The following CDH6 variants were observed in gnomAD, a reference collection of about 807,000 sequenced individuals.
The protein encoded by CDH6 is cadherin-6.
A neutral mutation model predicts 78.0 loss-of-function variants in CDH6; 31 were observed. The ratio of observed to expected loss-of-function variants is 0.40; its 90% CI spans 0.30 to 0.54. CDH6 has a LOEUF of 0.54. Ranked by LOEUF, CDH6 falls within the 20% of genes least tolerant of loss-of-function variation. The pLI, the probability that CDH6 is intolerant of heterozygous loss-of-function variation, is 0.56. For missense variants in CDH6, 724 were observed against 975.9 expected (o/e 0.74, Z 3.44); for synonymous variants, 376 against 368.8 (o/e 1.02, Z -0.23).
chr5:31,284,764 G>A (rs1579882228), intron 2 of CDH6, among the ~76,000 whole-genome samples: 2 of 152,356 alleles, frequency 1.3e-5, no homozygotes, highest in Admixed American at 6.5e-5. Context: ...TGCCACTGAG[G>A]AAAGTAATAC....
At chr5:31,308,476 T>C (rs1305672765) in intron 7 of CDH6, among the ~76,000 whole-genome samples, 7 of 149,040 alleles carry the variant, frequency 4.7e-5, no homozygotes, top group African/African-American at 1.7e-4. Context: ...TCTGCTATGA[T>C]CATGATGGGA....
At chr5:31,318,004 CT>C in intron 11 of CDH6, 80 bp downstream of exon 11, 1 of 1,528,666 alleles carries the variant, frequency 6.5e-7, no homozygotes, top group Non-Finnish European at 9.0e-7. Flanking sequence ...ATTTATCTGC[CT>C]CCCCCATTAA....
intron 9 of CDH6, 57 bp downstream of exon 9, chr5:31,316,386 TATC>T (rs1738324750): frequency 6.8e-7 from 1 of 1,461,236 alleles, no homozygotes; most frequent in Admixed American, 1.9e-5. Context: ...TAGATCTTCT[TATC>T]ATTCAGATGA....
chr5:31,233,858 T>C (rs1467234606), intron 1 of CDH6, among the ~76,000 whole-genome samples: 1 of 152,214 alleles, frequency 6.6e-6, no homozygotes, highest in Non-Finnish European at 1.5e-5. Flanking sequence ...CACCAATGAT[T>C]CAAAAATATA....
Position 31,216,299 on chromosome 5 carries a change from C to T in CDH6, c.-129+22413C>T, listed in dbSNP as rs527974030. Among the ~76,000 whole-genome samples, 3 of 152,202 alleles carry T rather than the reference C, an allele frequency of 2.0e-5. No homozygotes were observed. The South Asian group carries it at 6.2e-4, about 32-fold the overall frequency. On this transcript the variant is annotated intron_variant, in intron 1 of 11. Transcript: ENST00000265071. ...AATGTTGTTGCTCCAATACAGGGGA[C>T]AGCAATCTATGGCTCTCAGGCCAAA...
rs1738539545 is a variant in CDH6 at position 31,323,631 on chromosome 5, C to A, written c.*323C>A. The A allele has an allele frequency of 6.0e-6, 2 of 332,828 alleles. No individual in the cohort carries two copies. Among genetic ancestry groups the A allele is most frequent in the Non-Finnish European group, 1.1e-5 (2 of 179,180 alleles). 20.6% of individuals were successfully genotyped at this position (332,828 alleles called of 1,614,324 possible). On this transcript the variant is annotated 3_prime_UTR_variant, in exon 12 of 12. Coordinates refer to ENST00000265071, the MANE Select transcript of CDH6 (RefSeq NM_004932.4). ...CGCTGTCCTGGTGTTTTACTACACTCCATGTCAGGTCAGCCAACTGCCCTA... is the reference window on the plus strand; with the variant it reads ...CGCTGTCCTGGTGTTTTACTACACTACATGTCAGGTCAGCCAACTGCCCTA...
At chr5:31,227,815 A>G (rs6899121) in intron 1 of CDH6, among the ~76,000 whole-genome samples, 16,473 of 152,170 alleles carry the variant, frequency 0.11, 1,084 homozygotes, top group South Asian at 0.25. Flanking sequence ...TACCTTAACC[A>G]TCCTACATCT....
intron 1 of CDH6, among the ~76,000 whole-genome samples, chr5:31,267,043 A>T (rs751474017): frequency 2.0e-5 from 3 of 152,226 alleles, no homozygotes; most frequent in Non-Finnish European, 4.4e-5. Flanking sequence ...CTCAGCCCAC[A>T]TATTCCAAGG....
Position 31,328,934 on chromosome 5 carries a change from CAGTGTGGCCG to C in CDH6, c.*5627_*5636del. 1 of 221,648 alleles carries C rather than the reference CAGTGTGGCCG, an allele frequency of 4.5e-6. No individual in the cohort carries two copies. The highest frequency in any genetic ancestry group is 9.0e-6 in the Non-Finnish European group (1 of 110,804). 13.7% of individuals were successfully genotyped at this position (221,648 alleles called of 1,614,324 possible). On this transcript the variant is annotated 3_prime_UTR_variant, in exon 12 of 12. Transcript: ENST00000265071. ...GGGTCGAGAGTATTACCTTTTAGCT[CAGTGTGGCCG>C]GGCCTTTTGTTGCAGTCAAATGGCA...
At chr5:31,245,154 T>C (rs1052075626) in intron 1 of CDH6, among the ~76,000 whole-genome samples, 1 of 151,982 alleles carries the variant, frequency 6.6e-6, no homozygotes, top group Non-Finnish European at 1.5e-5. Context: ...CCAAGCTGAG[T>C]TTGGAGGTTT....
intron 1 of CDH6, among the ~76,000 whole-genome samples, chr5:31,199,715 A>C (rs1561193692): frequency 8.2e-6 from 1 of 121,984 alleles, no homozygotes; most frequent in African/African-American, 3.2e-5. Flanking sequence ...ATATATATAT[A>C]TCTCAAAGAT....
At chr5:31,245,839 AT>A (rs1409467376) in intron 1 of CDH6, among the ~76,000 whole-genome samples, 4 of 149,412 alleles carry the variant, frequency 2.7e-5, no homozygotes, top group Admixed American at 6.7e-5. Flanking sequence ...ATACGCCATA[AT>A]TTCTAGAGCA....
chr5:31,257,104 T>C (rs1318948931), intron 1 of CDH6, among the ~76,000 whole-genome samples: 1 of 152,236 alleles, frequency 6.6e-6, no homozygotes, highest in Non-Finnish European at 1.5e-5. Context: ...TTTATGAATA[T>C]CAGTGTGCTG....
chr5:31,227,525 C>A (rs1406471769), intron 1 of CDH6, among the ~76,000 whole-genome samples: 3 of 152,090 alleles, frequency 2.0e-5, no homozygotes, highest in Admixed American at 6.5e-5. Flanking sequence ...TTTTTCCCAG[C>A]GTTCTAGAAT....
At chr5:31,209,155 T>G (rs574128476) in intron 1 of CDH6, among the ~76,000 whole-genome samples, 16 of 152,318 alleles carry the variant, frequency 1.1e-4, no homozygotes, top group African/African-American at 3.8e-4. Context: ...TAGGTTTTTA[T>G]GTTTGTTTGT....
intron 1 of CDH6, among the ~76,000 whole-genome samples, chr5:31,217,701 G>A (rs969216899): frequency 6.6e-6 from 1 of 152,104 alleles, no homozygotes; most frequent in African/African-American, 2.4e-5. Flanking sequence ...TGTTGAGGGG[G>A]TGAACATTTT....
At chr5:31,317,059 G>A (rs1340612934) in intron 9 of CDH6, among the ~76,000 whole-genome samples, 1 of 152,072 alleles carries the variant, frequency 6.6e-6, no homozygotes, top group East Asian at 1.9e-4. Flanking sequence ...TCCTCCCTGG[G>A]GATATTTACA....
rs1047676918 is a variant in CDH6 at position 31,252,508 on chromosome 5, G to A, written c.-128-14838G>A. On this transcript the variant is annotated intron_variant, in intron 1 of 11. Coordinates refer to ENST00000265071, the MANE Select transcript of CDH6 (RefSeq NM_004932.4). ...AATGGAATGATACCTGAGTTTGACAGTAGTTTATAGAGCTAAATTATATTT... is the reference window on the plus strand; with the variant it reads ...AATGGAATGATACCTGAGTTTGACAATAGTTTATAGAGCTAAATTATATTT... Among the ~76,000 whole-genome samples the A allele has an allele frequency of 2.6e-5, 4 of 152,302 alleles. No individual in the cohort carries two copies. In the East Asian group the frequency reaches 7.7e-4, roughly 29 times the overall value.
At chr5:31,214,377 G>T (rs545896363) in intron 1 of CDH6, among the ~76,000 whole-genome samples, 1 of 152,226 alleles carries the variant, frequency 6.6e-6, no homozygotes, top group East Asian at 1.9e-4. Flanking sequence ...CAAGAGTAAT[G>T]GTCCCTGACC....
Sources: allele counts gnomAD v4.1 joint callset (sites outside exome capture counted in the v4.1 genomes callset), GRCh38; gene constraint gnomAD v4.1.1; transcripts MANE v1.5; gene names NCBI Gene and HGNC (gene_info 2026-07-23, HGNC 2026-07-21).